UEVLD: variants seen among roughly 807,000 people sequenced by gnomAD.
UEVLD encodes UEV and lactate/malate dehyrogenase domains.
Under a neutral mutation model 58.6 loss-of-function variants are expected in UEVLD, and 47 were observed. The ratio of observed to expected loss-of-function variants is 0.80; its 90% CI spans 0.63 to 1.02. The LOEUF (loss-of-function observed/expected upper bound fraction) is 1.02, where lower values mean the gene tolerates loss of function less well. UEVLD is among the 50% of genes least tolerant of loss of function. The pLI is 0.00. For synonymous variants in UEVLD, 197 were observed against 195.3 expected (o/e 1.01, Z -0.07); for missense variants, 510 against 550.6 (o/e 0.93, Z 0.74).
intron 7 of UEVLD, among the ~76,000 whole-genome samples, chr11:18,547,860 GT>G (rs1851368036): frequency 6.6e-6 from 1 of 151,994 alleles, no homozygotes; most frequent in African/African-American, 2.4e-5. Flanking sequence ...TTAAAAATCT[GT>G]TTTACTTATT....
chr11:18,532,615 G>T, intron 11 of UEVLD, 128 bp from the exon 12 acceptor site: 2 of 669,110 alleles, frequency 3.0e-6, no homozygotes, highest in Non-Finnish European at 4.5e-6. Context: ...AAATTTTTTT[G>T]TTCATTTACT....
chr11:18,576,083 T>C (rs1295973986), intron 2 of UEVLD, among the ~76,000 whole-genome samples: 1 of 152,192 alleles, frequency 6.6e-6, no homozygotes, highest in East Asian at 1.9e-4. Flanking sequence ...CCTTCTAACC[T>C]TTAAGCTGTC....
intron 7 of UEVLD, among the ~76,000 whole-genome samples, chr11:18,549,168 T>C (rs1851423950): frequency 6.6e-6 from 1 of 152,206 alleles, no homozygotes; most frequent in Non-Finnish European, 1.5e-5. Context: ...GCAGTCTGAC[T>C]TCAAAGTGCT....
At position 18,570,297 on chromosome 11, in the gene UEVLD, T is replaced by C. The variant is rs536536319; in HGVS notation, c.274A>G (p.Thr92Ala). ...FAPPICFLKP[T>A]ANMGILVGKH... is the part of the protein sequence containing the mutation. ...CCGACTAAGATTCCCATATTTGCAG[T>C]TGGCTTCAAGAAGCAAATAGGGGGA... is the stretch of plus-strand genomic sequence containing the variant. The change falls in exon 4 of 12, where the codon ACT (threonine) becomes GCT (alanine). Residue 92 changes from threonine (T) to alanine (A), a missense_variant. Transcript: ENST00000396197. The C allele has an allele frequency of 6.3e-6, 10 of 1,597,934 alleles. No homozygotes were observed. The East Asian group carries it at 1.8e-4, about 29-fold the overall frequency.
chr11:18,578,776 T>G lies in UEVLD; in HGVS notation c.75A>C (p.Leu25=). 2.5e-6 allele frequency: 4 copies of G among 1,608,612 alleles called. No individual in the cohort carries two copies. Among genetic ancestry groups the G allele is most frequent in the Non-Finnish European group, 3.4e-6 (4 of 1,177,366 alleles). Residue 25 remains leucine (L), a synonymous_variant, in exon 2 of 12, where the codon CTA becomes CTC. Transcript: ENST00000396197. ...GTGGGAAAAATACATTTACATTCCT[T>G]AGTTCTTCCACAGTTAGGTCCCTGA... ...YKFRDLTVEE[L]RNVNVFFPHF... is the part of the protein sequence containing the mutation.
At chr11:18,533,083 A>C (rs1245838257) in intron 11 of UEVLD, among the ~76,000 whole-genome samples, 3 of 138,144 alleles carry the variant, frequency 2.2e-5, no homozygotes, top group African/African-American at 8.1e-5. Context: ...TTTTGAGATG[A>C]GGTCTCTCTA....
rs369393581 is a variant in UEVLD at position 18,544,738 on chromosome 11, G to A, written c.945C>T (p.Ile315=). The A allele has an allele frequency of 1.4e-5, 22 of 1,569,748 alleles. No individual in the cohort carries two copies. Among genetic ancestry groups the A allele is most frequent in the African/African-American group, 8.4e-5 (6 of 71,590 alleles). The change falls in exon 9 of 12, where the codon ATC becomes ATT. Residue 315 remains isoleucine (I), a synonymous_variant. Transcript: ENST00000396197. ...GTGAATCCAGATTACATCCAATTCC[G>A]ATCACTCGATTTGCAGGAAATGTAC... ...KLSTFPANRV[I]GIGCNLDSQR...
At chr11:18,549,305 T>C (rs899345174) in intron 7 of UEVLD, among the ~76,000 whole-genome samples, 1 of 152,250 alleles carries the variant, frequency 6.6e-6, no homozygotes, top group Non-Finnish European at 1.5e-5. Flanking sequence ...AATTTATAAC[T>C]CTACAATCTG....
At chr11:18,543,184 C>G (rs910057990) in intron 9 of UEVLD, among the ~76,000 whole-genome samples, 2 of 152,190 alleles carry the variant, frequency 1.3e-5, no homozygotes, top group Admixed American at 1.3e-4. Flanking sequence ...AGCCACCACA[C>G]CCAGCCCAGA....
chr11:18,556,538 A>T (rs1361474919), intron 7 of UEVLD, among the ~76,000 whole-genome samples: 1 of 152,194 alleles, frequency 6.6e-6, no homozygotes, highest in East Asian at 1.9e-4. Flanking sequence ...AATATTGTCA[A>T]GGAATAAAGG....
At position 18,531,781 on chromosome 11, in the gene UEVLD, T is replaced by C. The variant is rs1474545478; in HGVS notation, c.*539A>G. On this transcript the variant is annotated 3_prime_UTR_variant, in exon 12 of 12. Transcript: ENST00000396197. The stretch of plus-strand genomic sequence containing the variant: ...TTTTAAAGTGCATGTAAAATTCTTT[T>C]CCATTTTTTGGTAGGTAATTAATTT... 1 of 152,238 alleles carries C rather than the reference T, an allele frequency of 6.6e-6. No individual in the cohort carries two copies. The highest frequency in any genetic ancestry group is 1.9e-4 in the East Asian group (1 of 5,208). 9.4% of individuals were successfully genotyped at this position (152,238 alleles called of 1,614,324 possible).
intron 1 of UEVLD, among the ~76,000 whole-genome samples, chr11:18,584,403 C>T (rs12420882): frequency 0.18 from 27,066 of 151,838 alleles, 2,833 homozygotes; most frequent in East Asian, 0.41. Flanking sequence ...AGAAAAAGCA[C>T]ACGCTTTTTG....
chr11:18,572,191 G>A (rs1243960130), intron 3 of UEVLD, among the ~76,000 whole-genome samples: 3 of 151,942 alleles, frequency 2.0e-5, no homozygotes, highest in South Asian at 2.1e-4. Context: ...AGCCGAGATC[G>A]CGCCACTGCA....
At chr11:18,537,084 T>G (rs1333510910) in intron 9 of UEVLD, among the ~76,000 whole-genome samples, 1 of 151,280 alleles carries the variant, frequency 6.6e-6, no homozygotes, top group Non-Finnish European at 1.5e-5. Context: ...GTGTGTTTAG[T>G]AGAGACAGGG....
intron 1 of UEVLD, among the ~76,000 whole-genome samples, chr11:18,584,954 T>C (rs1853464053): frequency 6.6e-6 from 1 of 152,176 alleles, no homozygotes; most frequent in African/African-American, 2.4e-5. Context: ...TAATATTGAT[T>C]TGTAGGCATG....
In UEVLD at chr11:18,532,310, C is replaced by G; in HGVS notation, c.*10G>C. On this transcript the variant is annotated 3_prime_UTR_variant, in exon 12 of 12. Transcript: ENST00000396197. The stretch of plus-strand genomic sequence containing the variant: ...GGTAGAAGTCCAGCCTCTCAAATTG[C>G]ATTTGAGAATCAAAGTTTTAACTGT... 2 of 1,589,660 alleles carry G rather than the reference C, an allele frequency of 1.3e-6. No individual in the cohort carries two copies. Among genetic ancestry groups the G allele is most frequent in the Non-Finnish European group, 1.7e-6 (2 of 1,168,898 alleles).
intron 6 of UEVLD, 152 bp downstream of exon 6, chr11:18,564,740 T>A: frequency 1.9e-6 from 1 of 537,084 alleles, no homozygotes; most frequent in East Asian, 3.0e-5. Flanking sequence ...TGATGAAAGC[T>A]TTCAACTTTT....
chr11:18,555,714 G>T lies in UEVLD; in HGVS notation c.715+2514C>A, dbSNP rs537594375. Among the ~76,000 whole-genome samples the T allele has an allele frequency of 1.4e-4, 21 of 152,306 alleles. No homozygotes were observed. In the East Asian group the frequency reaches 3.9e-3, roughly 28 times the overall value. The stretch of plus-strand genomic sequence containing the variant: ...TGTAGTCCCAGATACTTATGAGGCT[G>T]AGGCAGGAGGACTGCTTGAGGCTAG... On this transcript the variant is annotated intron_variant, in intron 7 of 11. Coordinates refer to ENST00000396197, the MANE Select transcript of UEVLD (RefSeq NM_001040697.4).
chr11:18,560,130 CACACACACAGAGAG>C (rs1230949379), intron 6 of UEVLD, among the ~76,000 whole-genome samples: 1 of 86,064 alleles, frequency 1.2e-5, no homozygotes, highest in East Asian at 4.5e-4. Context: ...CACACACACA[CACACACACAGAGAG>C]AGAAAGAAAA....
Sources: allele counts gnomAD v4.1 joint callset (sites outside exome capture counted in the v4.1 genomes callset), GRCh38; gene constraint gnomAD v4.1.1; transcripts MANE v1.5; gene names NCBI Gene and HGNC (gene_info 2026-07-23, HGNC 2026-07-21).